The following TP73 variants were observed in gnomAD, a reference collection of about 807,000 sequenced individuals.
TP73 encodes tumor protein p73.
Under a neutral mutation model 62.5 loss-of-function variants are expected in TP73, and 25 were observed. The ratio of observed to expected loss-of-function variants is 0.40; its 90% confidence interval spans 0.29 to 0.56. The LOEUF (loss-of-function observed/expected upper bound fraction) is 0.56. Among genes scored for constraint, TP73 ranks in the 20% least tolerant of loss-of-function variants. The pLI, the probability that TP73 is intolerant of heterozygous loss-of-function variation, is 0.46. For missense variants in TP73, 754 were observed against 913.3 expected (o/e 0.83, Z 2.25); for synonymous variants, 423 against 377.5 (o/e 1.12, Z -1.40).
At chr1:3,730,232 C>T (rs575813409) in intron 11 of TP73, 84 bp downstream of exon 11, 14 of 1,365,680 alleles carry the variant, frequency 1.0e-5, no homozygotes, top group Middle Eastern at 2.6e-4. Flanking sequence ...CCACCCAGCT[C>T]GGGACCCAGG....
At chr1:3,689,622 G>A (rs1570453725) in intron 3 of TP73, among the ~76,000 whole-genome samples, 1 of 152,154 alleles carries the variant, frequency 6.6e-6, no homozygotes, top group African/African-American at 2.4e-5. Context: ...TGAGGCCCCT[G>A]CCGGCTCTCG....
At chr1:3,655,048 A>G (rs533945873) in intron 1 of TP73, among the ~76,000 whole-genome samples, 40 of 152,248 alleles carry the variant, frequency 2.6e-4, no homozygotes, top group Non-Finnish European at 5.4e-4. Context: ...GACATCGCGT[A>G]CACGGTGAAC....
At chr1:3,722,257 C>T (rs116167852) in intron 5 of TP73, 50 bp downstream of exon 5, 3 of 1,602,404 alleles carry the variant, frequency 1.9e-6, no homozygotes, top group Non-Finnish European at 2.6e-6. Context: ...CCCAGCATCC[C>T]GGACAGCACA....
chr1:3,709,352 G>T (rs1639943430), intron 4 of TP73, among the ~76,000 whole-genome samples: 1 of 152,208 alleles, frequency 6.6e-6, no homozygotes, highest in African/African-American at 2.4e-5. Context: ...GCCGACCCCA[G>T]TGCTAACACC....
At chr1:3,711,995 G>A (rs1018008677) in intron 4 of TP73, among the ~76,000 whole-genome samples, 8 of 152,276 alleles carry the variant, frequency 5.3e-5, no homozygotes, top group East Asian at 1.9e-4. Flanking sequence ...GGGATTCCTG[G>A]GGAGAATGAG....
Position 3,652,986 on chromosome 1 carries a change from G to T in TP73, c.-34+345G>T, listed in dbSNP as rs1472894191. Among the ~76,000 whole-genome samples, 8 of 152,098 alleles carry T rather than the reference G, an allele frequency of 5.3e-5. No homozygotes were observed. The East Asian group carries it at 1.6e-3, about 30-fold the overall frequency. On this transcript the variant is annotated intron_variant, in intron 1 of 13. Coordinates refer to ENST00000378295, the MANE Select transcript of TP73 (RefSeq NM_005427.4). ...CCCGGGCTCCGAGGGCCGTTGGGAG[G>T]GTAACCCCGGGAAGAGGCCGGGGTG...
At position 3,730,033 on chromosome 1, in the gene TP73, C is replaced by T. The variant is rs1642006402; in HGVS notation, c.1230C>T (p.Val410=). 1.2e-6 allele frequency: 2 copies of T among 1,609,990 alleles called. No individual in the cohort carries two copies. Among genetic ancestry groups the T allele is most frequent in the Non-Finnish European group, 1.7e-6 (2 of 1,178,318 alleles). Residue 410 remains valine, a synonymous_variant, in exon 11 of 14, where the codon GTC becomes GTT. Transcript: ENST00000378295. ...TACAGCCCCCGTCCTACGGGCCGGT[C>T]CTCTCGCCCATGAACAAGGTGCACG... ...SHLQPPSYGP[V]LSPMNKVHGG...
chr1:3,726,132 TTGAA>T (rs1408330677), intron 6 of TP73, among the ~76,000 whole-genome samples: 1 of 100,812 alleles, frequency 9.9e-6, no homozygotes, highest in African/African-American at 4.0e-5. Context: ...TTTATTGATA[TTGAA>T]TGGATGGGTG....
In TP73 at chr1:3,732,818, G is replaced by A; in HGVS notation, c.1650G>A (p.Gln550=). 6.2e-7 allele frequency: 1 copy of A among 1,609,118 alleles called. No individual in the cohort carries two copies. The highest frequency in any genetic ancestry group is 1.1e-5 in the South Asian group (1 of 90,974). ...GGCGGGGCCTGCAGGACCTGAAGCA[G>A]GGCCACGACTACAGCACCGCGCAGC... ...TIWRGLQDLK[Q]GHDYSTAQQL... Residue 550 remains glutamine, a synonymous_variant, in exon 14 of 14, where the codon CAG becomes CAA. Coordinates refer to ENST00000378295, the MANE Select transcript of TP73 (RefSeq NM_005427.4).
chr1:3,733,102 G>A lies in TP73; in HGVS notation c.*23G>A. On this transcript the variant is annotated 3_prime_UTR_variant, in exon 14 of 14. Coordinates refer to ENST00000378295, the MANE Select transcript of TP73 (RefSeq NM_005427.4). Reference sequence around the variant, plus strand: ...TGAGGGCCTCGCCTGGCTGCAGCCTGCGCCACCGCCCAGAGACCCAAGCTG... The same window carrying A: ...TGAGGGCCTCGCCTGGCTGCAGCCTACGCCACCGCCCAGAGACCCAAGCTG... 1.3e-6 allele frequency: 2 copies of A among 1,511,364 alleles called. No homozygotes were observed. Among genetic ancestry groups the A allele is most frequent in the Non-Finnish European group, 1.8e-6 (2 of 1,130,830 alleles). The allele number at this position is 1,511,364 out of a possible 1,614,324, so 93.6% of individuals were successfully genotyped here. A position where few individuals can be genotyped will look rare whatever the true frequency, so the allele number is the denominator to read the frequency against.
In TP73 at chr1:3,653,926, G is replaced by A. The variant is rs114718357; in HGVS notation, c.-34+1285G>A. ...TAGCTCACGCCTGTCATCCCTCACAGCCTTTGGGAGGCCAAGGTGGGTGGA... is the reference window on the plus strand; with the variant it reads ...TAGCTCACGCCTGTCATCCCTCACAACCTTTGGGAGGCCAAGGTGGGTGGA... On this transcript the variant is annotated intron_variant, in intron 1 of 13. Transcript: ENST00000378295. Among the ~76,000 whole-genome samples, 1,182 of 152,306 alleles carry A rather than the reference G, an allele frequency of 7.8e-3. 16 individuals carry two copies. Among genetic ancestry groups the A allele is most frequent in the African/African-American group, 0.027 (1,118 of 41,568 alleles).
At position 3,666,603 on chromosome 1, in the gene TP73, C is replaced by G. The variant is rs1052682536; in HGVS notation, c.-34+13962C>G. Among the ~76,000 whole-genome samples the G allele has an allele frequency of 6.6e-6, 1 of 152,196 alleles. No individual in the cohort carries two copies. The highest frequency in any genetic ancestry group is 1.5e-5 in the Non-Finnish European group (1 of 68,014). On this transcript the variant is annotated intron_variant, in intron 1 of 13. Coordinates refer to ENST00000378295, the MANE Select transcript of TP73 (RefSeq NM_005427.4). The surrounding 1 kb of genome is among the most constrained non-coding windows in gnomAD (Gnocchi z 6.4). ...AATGGTCCCTCTGCTGGCTCCCTCC[C>G]CACCACCTCCTGCCCACCTCCCTGG... is the stretch of plus-strand genomic sequence containing the variant.
intron 1 of TP73, among the ~76,000 whole-genome samples, chr1:3,660,068 C>T (rs1362508608): frequency 6.6e-6 from 1 of 152,184 alleles, no homozygotes; most frequent in Admixed American, 6.5e-5. Context: ...TAGTAAGTGG[C>T]CAGCTAGGCT....
At chr1:3,674,281 C>T (rs376068876) in intron 1 of TP73, among the ~76,000 whole-genome samples, 1 of 152,238 alleles carries the variant, frequency 6.6e-6, no homozygotes, top group Non-Finnish European at 1.5e-5. Flanking sequence ...CCTCCCCTCC[C>T]GCTTCCCGTG....
chr1:3,726,353 T>G, intron 6 of TP73, among the ~76,000 whole-genome samples: 2 of 114,138 alleles, frequency 1.8e-5, no homozygotes, highest in Admixed American at 1.1e-4. Context: ...TGATATTGAA[T>G]GGATGGGTGG....
At chr1:3,726,976 A>G (rs1423396307) in intron 6 of TP73, 139 bp from the exon 7 acceptor site, 1 of 605,046 alleles carries the variant, frequency 1.7e-6, no homozygotes, top group Non-Finnish European at 2.9e-6. Context: ...GGACAGATAT[A>G]CAAATGGCAA....
intron 3 of TP73, among the ~76,000 whole-genome samples, chr1:3,687,145 A>C (rs1645679074): frequency 6.6e-6 from 1 of 152,172 alleles, no homozygotes; most frequent in Non-Finnish European, 1.5e-5. Flanking sequence ...TACATGGCTC[A>C]CAGGGACCTC....
Position 3,711,916 on chromosome 1 carries a change from G to C in TP73, c.429+4125G>C, listed in dbSNP as rs539489817. Among the ~76,000 whole-genome samples, 9 of 152,200 alleles carry C rather than the reference G, an allele frequency of 5.9e-5. No homozygotes were observed. The South Asian group carries it at 1.9e-3, about 32-fold the overall frequency. Reference sequence around the variant, plus strand: ...TGTCTTAGGGGAGAGCTGGCTCCACGGGTAGGAAAGCCCCCCGTCCAGGAG... The same window carrying C: ...TGTCTTAGGGGAGAGCTGGCTCCACCGGTAGGAAAGCCCCCCGTCCAGGAG... On this transcript the variant is annotated intron_variant, in intron 4 of 13. Coordinates refer to ENST00000378295, the MANE Select transcript of TP73 (RefSeq NM_005427.4).
At chr1:3,705,427 G>A (rs1003182946) in intron 3 of TP73, among the ~76,000 whole-genome samples, 5 of 152,246 alleles carry the variant, frequency 3.3e-5, no homozygotes, top group African/African-American at 7.2e-5. Flanking sequence ...GGCAGGGCCC[G>A]TGCTGCAGGG....
Sources: allele counts gnomAD v4.1 joint callset (sites outside exome capture counted in the v4.1 genomes callset), GRCh38; gene constraint gnomAD v4.1.1; non-coding constraint Gnocchi (gnomAD v3.1); transcripts MANE v1.5; gene names NCBI Gene and HGNC (gene_info 2026-07-23, HGNC 2026-07-21).